TMSB15B: variants seen among roughly 807,000 people sequenced by gnomAD.
The protein encoded by TMSB15B is thymosin beta-15B.
At chrX:103,934,468 C>A (rs1248819423) in intron 1 of TMSB15B, among the ~76,000 whole-genome samples, 3 of 110,264 alleles carry the variant, frequency 2.7e-5, no homozygotes, top group Admixed American at 1.9e-4. Flanking sequence ...TTAGGTATTT[C>A]TCCTAATGCT....
At chrX:103,929,202 T>G (rs1164011481) in intron 1 of TMSB15B, among the ~76,000 whole-genome samples, 13 of 112,140 alleles carry the variant, frequency 1.2e-4, no homozygotes, top group Non-Finnish European at 2.4e-4. Flanking sequence ...AAGTATTCCT[T>G]AGTCAAAAAG....
chrX:103,934,586 C>T (rs1200991300), intron 1 of TMSB15B, among the ~76,000 whole-genome samples: 2 of 111,158 alleles, frequency 1.8e-5, no homozygotes, highest in East Asian at 5.7e-4. Flanking sequence ...TGAGAGCGTG[C>T]AGTGTTTGGT....
chrX:103,935,397 T>C (rs1225956175), intron 1 of TMSB15B, among the ~76,000 whole-genome samples: 1 of 112,293 alleles, frequency 8.9e-6, no homozygotes, highest in Non-Finnish European at 1.9e-5. Context: ...TTTTGCATTT[T>C]AGTCATGAAG....
intron 1 of TMSB15B, among the ~76,000 whole-genome samples, chrX:103,937,766 G>T (rs1167681907): frequency 9.0e-6 from 1 of 111,486 alleles, no homozygotes; most frequent in African/African-American, 3.3e-5. Flanking sequence ...ATGTTAGGGT[G>T]TCGATTTTAG....
chrX:103,923,845 T>G (rs1261169202), intron 1 of TMSB15B, among the ~76,000 whole-genome samples: 1 of 111,678 alleles, frequency 9.0e-6, no homozygotes, highest in African/African-American at 3.3e-5. Context: ...GCATGGAAGG[T>G]TCTTCCATTT....
intron 1 of TMSB15B, among the ~76,000 whole-genome samples, chrX:103,946,853 G>A (rs1261717358): frequency 1.8e-5 from 2 of 111,340 alleles, no homozygotes; most frequent in Admixed American, 1.9e-4. Flanking sequence ...AAAAACACAA[G>A]TTTTAAAGGA....
At chrX:103,947,767 G>A (rs1556327636) in intron 1 of TMSB15B, among the ~76,000 whole-genome samples, 4 of 111,786 alleles carry the variant, frequency 3.6e-5, no homozygotes, top group African/African-American at 6.5e-5. Context: ...AGCAATATTT[G>A]AAAAACAAAC....
intron 1 of TMSB15B, among the ~76,000 whole-genome samples, chrX:103,945,813 G>A (rs782338542): frequency 8.9e-6 from 1 of 112,194 alleles, no homozygotes; most frequent in Admixed American, 9.4e-5. Context: ...TATAAAGCAC[G>A]AGGAATTCAG....
At chrX:103,949,918 A>G (rs782689097) in intron 1 of TMSB15B, among the ~76,000 whole-genome samples, 5 of 111,860 alleles carry the variant, frequency 4.5e-5, no homozygotes, top group African/African-American at 1.6e-4. Context: ...AGTAAAGGAA[A>G]CTGAGAAGAA....
intron 1 of TMSB15B, among the ~76,000 whole-genome samples, chrX:103,942,827 A>T (rs782036125): frequency 1.8e-5 from 2 of 111,727 alleles, no homozygotes; most frequent in Non-Finnish European, 3.8e-5. Flanking sequence ...CTAATAGTAA[A>T]GCAGATTATC....
At chrX:103,940,510 C>G (rs1371441177) in intron 1 of TMSB15B, among the ~76,000 whole-genome samples, 3 of 111,378 alleles carry the variant, frequency 2.7e-5, no homozygotes, top group South Asian at 3.9e-4. Context: ...CCTCTCCCCC[C>G]ACCAAGATCG....
intron 1 of TMSB15B, among the ~76,000 whole-genome samples, chrX:103,941,347 AT>A (rs371121667): frequency 7.1e-4 from 77 of 108,337 alleles, no homozygotes; most frequent in African/African-American, 2.0e-3. Flanking sequence ...GGTTTAAAAC[AT>A]TTTTTTTTTG....
At chrX:103,929,326 C>T (rs1324256465) in intron 1 of TMSB15B, among the ~76,000 whole-genome samples, 1 of 111,906 alleles carries the variant, frequency 8.9e-6, no homozygotes, top group Non-Finnish European at 1.9e-5. Flanking sequence ...TGGCAATAAA[C>T]AGAAACTTAA....
intron 1 of TMSB15B, among the ~76,000 whole-genome samples, chrX:103,953,111 AAC>A (rs1344064349): frequency 8.9e-6 from 1 of 111,811 alleles, no homozygotes. Flanking sequence ...ACCCAGGTGC[AAC>A]ACAAAGCCAA....
At chrX:103,950,723 G>A (rs1556328172) in intron 1 of TMSB15B, among the ~76,000 whole-genome samples, 1 of 109,883 alleles carries the variant, frequency 9.1e-6, no homozygotes, top group African/African-American at 3.3e-5. Flanking sequence ...TATGTATACA[G>A]TGTACATATG....
At chrX:103,926,040 G>T in intron 1 of TMSB15B, among the ~76,000 whole-genome samples, 1 of 111,228 alleles carries the variant, frequency 9.0e-6, no homozygotes, top group South Asian at 3.9e-4. Flanking sequence ...GCTGCCAGGG[G>T]CTAGAGGTGC....
intron 1 of TMSB15B, among the ~76,000 whole-genome samples, chrX:103,926,049 G>GC (rs1556318761): frequency 1.8e-5 from 2 of 111,058 alleles, no homozygotes; most frequent in African/African-American, 3.3e-5. Context: ...GGCTAGAGGT[G>GC]CCCCAGAGGG....
chrX:103,920,353 A>G (rs2074948618), intron 1 of TMSB15B, among the ~76,000 whole-genome samples: 1 of 111,895 alleles, frequency 8.9e-6, no homozygotes, highest in Non-Finnish European at 1.9e-5. Flanking sequence ...TTGATGTACT[A>G]GGACTACAGG....
At chrX:103,934,146 A>C (rs1485669083) in intron 1 of TMSB15B, among the ~76,000 whole-genome samples, 1 of 110,863 alleles carries the variant, frequency 9.0e-6, no homozygotes, top group Non-Finnish European at 1.9e-5. Context: ...GCCCCTCTGC[A>C]GGACCCTTCC....
Sources: allele counts gnomAD v4.1 joint callset (sites outside exome capture counted in the v4.1 genomes callset), GRCh38; gene constraint gnomAD v4.1.1; transcripts MANE v1.5; gene names NCBI Gene and HGNC (gene_info 2026-07-23, HGNC 2026-07-21).